Variants in WDPCP observed in about 807,000 individuals in gnomAD.
WDPCP encodes WD repeat containing planar cell polarity effector.
A neutral mutation model predicts 93.1 loss-of-function variants in WDPCP; 71 were observed. That is an observed-to-expected ratio of 0.76 (90% CI 0.63 to 0.93). The LOEUF is 0.93. WDPCP is among the 40% of genes least tolerant of loss of function. The pLI, the probability that WDPCP is intolerant of heterozygous loss-of-function variation, is 0.00. For synonymous variants in WDPCP, 315 were observed against 315.0 expected (o/e 1.00, Z 0.00); for missense variants, 844 against 887.4 (o/e 0.95, Z 0.62).
chr2:63,776,593 C>T (rs1043214749), intron 2 of WDPCP, among the ~76,000 whole-genome samples: 2 of 142,856 alleles, frequency 1.4e-5, no homozygotes, highest in African/African-American at 5.2e-5. Flanking sequence ...GAGGTCAAGG[C>T]TGCAGTGAGC....
intron 12 of WDPCP, among the ~76,000 whole-genome samples, chr2:63,317,440 A>C (rs1686736797): frequency 6.6e-6 from 1 of 152,040 alleles, no homozygotes; most frequent in Non-Finnish European, 1.5e-5. Context: ...GGAACCAAAA[A>C]AAGCCTGAAC....
intron 1 of WDPCP, among the ~76,000 whole-genome samples, chr2:63,559,857 C>T (rs1423583215): frequency 1.3e-5 from 2 of 152,120 alleles, no homozygotes; most frequent in East Asian, 3.9e-4. Flanking sequence ...GATCATACTG[C>T]CCAAAGTAAT....
the WDPCP span, among the ~76,000 whole-genome samples, chr2:63,839,345 G>T: frequency 6.6e-6 from 1 of 152,120 alleles, no homozygotes; most frequent in Non-Finnish European, 1.5e-5. Flanking sequence ...GGATCACAAG[G>T]TCAGGGGTTT....
chr2:63,559,085 C>T (rs998040753), intron 1 of WDPCP, among the ~76,000 whole-genome samples: 6 of 152,256 alleles, frequency 3.9e-5, no homozygotes, highest in East Asian at 3.9e-4. Flanking sequence ...CTATCCACCA[C>T]GATCAAGTCA....
At chr2:63,136,519 G>C (rs1670630396) in intron 17 of WDPCP, among the ~76,000 whole-genome samples, 1 of 152,112 alleles carries the variant, frequency 6.6e-6, no homozygotes, top group Admixed American at 6.5e-5. Flanking sequence ...TTACGGGGGA[G>C]GGAAAGGAGT....
At chr2:63,754,851 A>G (rs1477147258) in intron 2 of WDPCP, among the ~76,000 whole-genome samples, 1 of 152,080 alleles carries the variant, frequency 6.6e-6, no homozygotes, top group African/African-American at 2.4e-5. Context: ...TTATTATCTC[A>G]TTGTTATTTT....
At chr2:63,437,315 C>A in intron 8 of WDPCP, 106 bp downstream of exon 8, 2 of 996,396 alleles carry the variant, frequency 2.0e-6, no homozygotes, top group Middle Eastern at 3.4e-4. Flanking sequence ...TCCAGTTTTT[C>A]TGAAATCCAG....
At chr2:63,782,757 T>C (rs1670413612) in intron 2 of WDPCP, among the ~76,000 whole-genome samples, 1 of 151,436 alleles carries the variant, frequency 6.6e-6, no homozygotes, top group African/African-American at 2.4e-5. Context: ...TGTGTGTGTG[T>C]GTGTGTGTGT....
intron 6 of WDPCP, among the ~76,000 whole-genome samples, chr2:63,458,138 A>G (rs1339631547): frequency 6.8e-6 from 1 of 147,446 alleles, no homozygotes; most frequent in African/African-American, 2.5e-5. Context: ...AAAAAAAAAG[A>G]AAAAAAAAAC....
intron 9 of WDPCP, among the ~76,000 whole-genome samples, chr2:63,412,610 T>C (rs894072984): frequency 5.3e-5 from 8 of 152,146 alleles, no homozygotes; most frequent in Non-Finnish European, 1.2e-4. Context: ...GCTGACAACA[T>C]GATTGTTTAC....
intron 7 of WDPCP, 108 bp from the exon 8 acceptor site, chr2:63,437,662 A>T: frequency 8.9e-7 from 1 of 1,128,934 alleles, no homozygotes. Context: ...AACTGAAATC[A>T]CTAAAGTCTC....
intron 10 of WDPCP, among the ~76,000 whole-genome samples, chr2:63,389,867 C>T (rs1693070751): frequency 6.6e-6 from 1 of 152,062 alleles, no homozygotes; most frequent in African/African-American, 2.4e-5. Flanking sequence ...ATATATGCAC[C>T]CAATACAGGA....
intron 2 of WDPCP, among the ~76,000 whole-genome samples, chr2:63,714,899 A>C (rs1173957578): frequency 2.0e-5 from 3 of 152,254 alleles, no homozygotes; most frequent in African/African-American, 7.2e-5. Context: ...ACAATAGTCA[A>C]AGGTGGCAAC....
chr2:63,144,710 A>G (rs909370325), intron 17 of WDPCP, among the ~76,000 whole-genome samples: 80 of 152,284 alleles, frequency 5.3e-4, no homozygotes, highest in African/African-American at 1.8e-3. Flanking sequence ...TCTCTAGTCC[A>G]TCCCTCTTTA....
chr2:63,361,134 C>A (rs1391664599), intron 12 of WDPCP, among the ~76,000 whole-genome samples: 1 of 152,146 alleles, frequency 6.6e-6, no homozygotes, highest in African/African-American at 2.4e-5. Context: ...TGACCTTAAT[C>A]ACCTAGCACA....
chr2:63,329,517 T>TA lies in WDPCP; in HGVS notation c.1749-16207dup, dbSNP rs532832892. ...AATTCTATTTAATTCTGCTAAGAAT[T>TA]AGAGATTGACTAATCCTCACAGAAC... On this transcript the variant is annotated intron_variant, in intron 12 of 17. Transcript: ENST00000272321. Among the ~76,000 whole-genome samples, 451 of 152,326 alleles carry TA rather than the reference T, an allele frequency of 3.0e-3. 1 individual carries two copies. The highest frequency in any genetic ancestry group is 3.0e-3 in the Non-Finnish European group (206 of 68,028).
intron 2 of WDPCP, among the ~76,000 whole-genome samples, chr2:63,651,559 G>T (rs766912396): frequency 6.6e-6 from 1 of 152,158 alleles, no homozygotes; most frequent in Non-Finnish European, 1.5e-5. Flanking sequence ...TGGGTAGGCA[G>T]GCAGGCAGGC....
chr2:63,195,509 G>C (rs1173779929), intron 14 of WDPCP, among the ~76,000 whole-genome samples: 1 of 152,032 alleles, frequency 6.6e-6, no homozygotes, highest in African/African-American at 2.4e-5. Flanking sequence ...TGGCATCCAG[G>C]CTGGAGTGCA....
At chr2:63,763,480 C>T (rs1321280877) in intron 2 of WDPCP, among the ~76,000 whole-genome samples, 1 of 119,846 alleles carries the variant, frequency 8.3e-6, no homozygotes, top group Non-Finnish European at 1.7e-5. Context: ...CCACCCTGGG[C>T]AACAGAACAA....
Sources: allele counts gnomAD v4.1 joint callset (sites outside exome capture counted in the v4.1 genomes callset), GRCh38; gene constraint gnomAD v4.1.1; transcripts MANE v1.5; gene names NCBI Gene and HGNC (gene_info 2026-07-23, HGNC 2026-07-21).